Variants in GPAT4 observed in about 807,000 individuals in gnomAD.
GPAT4 encodes glycerol-3-phosphate acyltransferase 4, also known as 1-AGP acyltransferase 6.
In GPAT4, 17 loss-of-function variants were observed where a neutral mutation model predicts 58.0. The observed-to-expected ratio is 0.29, with a 90% CI of 0.20 to 0.44. The LOEUF is 0.44. GPAT4 is among the 20% of genes least tolerant of loss of function. The probability of loss-of-function intolerance (pLI) is 1.00; values close to 1 mark genes in which losing one functional copy is unlikely to be tolerated. For missense variants in GPAT4, 377 were observed against 574.5 expected (o/e 0.66, Z 3.51); for synonymous variants, 204 against 210.1 (o/e 0.97, Z 0.25).
chr8:41,618,273 G>GA (rs1188727980), intron 10 of GPAT4, among the ~76,000 whole-genome samples: 1 of 152,238 alleles, frequency 6.6e-6, no homozygotes, highest in African/African-American at 2.4e-5. Flanking sequence ...AGGATGCTGA[G>GA]AGGGGACAGG....
intron 2 of GPAT4, among the ~76,000 whole-genome samples, chr8:41,607,789 A>G (rs753846338): frequency 3.3e-5 from 5 of 152,100 alleles, no homozygotes; most frequent in Non-Finnish European, 1.5e-5. Context: ...TTGGCCTCCC[A>G]AAGTGCTGGG....
At chr8:41,609,563 T>C in intron 3 of GPAT4, 78 bp downstream of exon 3, 1 of 1,600,930 alleles carries the variant, frequency 6.2e-7, no homozygotes, top group Non-Finnish European at 8.6e-7. Context: ...CCACACACGC[T>C]CTTCCCTGCA....
intron 2 of GPAT4, among the ~76,000 whole-genome samples, chr8:41,602,652 A>G (rs1028752130): frequency 5.3e-5 from 8 of 152,158 alleles, no homozygotes; most frequent in Non-Finnish European, 7.4e-5. Flanking sequence ...GTATCTGTGT[A>G]TCTGTCTAAA....
chr8:41,610,439 A>G (rs1803407637), intron 4 of GPAT4: 5 of 1,275,018 alleles, frequency 3.9e-6, no homozygotes, highest in Non-Finnish European at 5.0e-6. Context: ...GGAGGGCAGC[A>G]GGGAGCAGCC....
intron 9 of GPAT4, 142 bp from the exon 10 acceptor site, chr8:41,614,821 T>C: frequency 1.4e-6 from 1 of 697,492 alleles, no homozygotes; most frequent in Non-Finnish European, 2.4e-6. Context: ...GTGTTTGTTT[T>C]TAAGTTAGGG....
chr8:41,611,095 G>A (rs945519330), intron 5 of GPAT4, among the ~76,000 whole-genome samples: 3 of 152,048 alleles, frequency 2.0e-5, no homozygotes, highest in African/African-American at 4.8e-5. Context: ...GCACGGTGGC[G>A]GGTGCCTGTA....
chr8:41,614,268 T>C (rs1306451547), intron 8 of GPAT4, 118 bp from the exon 9 acceptor site: 2 of 818,988 alleles, frequency 2.4e-6, no homozygotes, highest in East Asian at 2.7e-5. Context: ...GATACAGTTA[T>C]GCTTGTTAAC....
At chr8:41,581,693 A>G (rs994110798) in intron 1 of GPAT4, among the ~76,000 whole-genome samples, 7 of 148,878 alleles carry the variant, frequency 4.7e-5, no homozygotes, top group Non-Finnish European at 8.9e-5. Context: ...CAGTGGCGCA[A>G]TCTCGGCTCA....
chr8:41,614,632 A>G (rs897033556), intron 9 of GPAT4, among the ~76,000 whole-genome samples, 191 bp downstream of exon 9: 3 of 152,240 alleles, frequency 2.0e-5, no homozygotes, highest in Admixed American at 6.5e-5. Flanking sequence ...TAAGAATGCC[A>G]TAGTGTGAAC....
intron 1 of GPAT4, among the ~76,000 whole-genome samples, chr8:41,596,319 C>T (rs1427010279): frequency 6.6e-6 from 1 of 152,156 alleles, no homozygotes; most frequent in African/African-American, 2.4e-5. Context: ...ACAGTTTACA[C>T]CAAACCAGAA....
Position 41,600,036 on chromosome 8 carries a change from C to CTT in GPAT4, c.165+749_165+750dup, listed in dbSNP as rs758905649. On this transcript the variant is annotated intron_variant, in intron 2 of 12. Coordinates refer to ENST00000396987, the MANE Select transcript of GPAT4 (RefSeq NM_178819.4). ...TGTTCATATTTTATCTTTTTCTTTT[C>CTT]TTTTTTTTTTTTTTTTTTCGAGACA... 6.0e-4 allele frequency among the ~76,000 whole-genome samples: 60 copies of CTT among 100,284 alleles called. 1 individual carries two copies. The highest frequency in any genetic ancestry group is 8.4e-4 in the African/African-American group (21 of 24,944). 65.8% of individuals were successfully genotyped at this position (100,284 alleles called of 152,430 possible).
chr8:41,578,951 C>T (rs1249353785), intron 1 of GPAT4, among the ~76,000 whole-genome samples: 1 of 152,188 alleles, frequency 6.6e-6, no homozygotes, highest in Non-Finnish European at 1.5e-5. Flanking sequence ...GTTCCATCCT[C>T]TGCCAAGTAT....
intron 1 of GPAT4, among the ~76,000 whole-genome samples, chr8:41,594,214 AC>A (rs1802862598): frequency 6.6e-6 from 1 of 152,214 alleles, no homozygotes; most frequent in Non-Finnish European, 1.5e-5. Context: ...ACTGGATGAT[AC>A]CTCTTTAACT....
chr8:41,612,343 C>T, intron 7 of GPAT4, 70 bp downstream of exon 7: 2 of 1,493,314 alleles, frequency 1.3e-6, no homozygotes, highest in South Asian at 2.3e-5. Flanking sequence ...CTAGGAGGCT[C>T]CTGGACCCTT....
At chr8:41,617,478 A>G (rs537801603) in intron 10 of GPAT4, among the ~76,000 whole-genome samples, 1 of 152,346 alleles carries the variant, frequency 6.6e-6, no homozygotes, top group South Asian at 2.1e-4. Context: ...TATTATAATA[A>G]CACATTAAGT....
intron 1 of GPAT4, among the ~76,000 whole-genome samples, chr8:41,590,246 T>C (rs1001303688): frequency 6.6e-6 from 1 of 152,104 alleles, no homozygotes; most frequent in African/African-American, 2.4e-5. Context: ...GCCATGATGC[T>C]TGGCTAATTT....
chr8:41,578,590 G>C (rs1802426350), intron 1 of GPAT4: 1 of 152,190 alleles, frequency 6.6e-6, no homozygotes, highest in African/African-American at 2.4e-5. Flanking sequence ...GGTGTGCGCA[G>C]CCCTCCCGCC....
chr8:41,610,437 G>A, intron 4 of GPAT4: 2 of 1,273,738 alleles, frequency 1.6e-6, no homozygotes, highest in Non-Finnish European at 2.0e-6. Flanking sequence ...GGGGAGGGCA[G>A]CAGGGAGCAG....
chr8:41,613,647 G>A (rs34208279), intron 8 of GPAT4, among the ~76,000 whole-genome samples: 12,352 of 152,160 alleles, frequency 0.081, 560 homozygotes, highest in Middle Eastern at 0.14. Context: ...CATCAAGACA[G>A]TTGAGACCAA....
Sources: allele counts gnomAD v4.1 joint callset (sites outside exome capture counted in the v4.1 genomes callset), GRCh38; gene constraint gnomAD v4.1.1; transcripts MANE v1.5; gene names NCBI Gene and HGNC (gene_info 2026-07-23, HGNC 2026-07-21).